The following PDCD6IP variants were observed in gnomAD, a reference collection of about 807,000 sequenced individuals.
PDCD6IP encodes the protein programmed cell death 6 interacting protein, also known as programmed cell death 6-interacting protein.
A neutral mutation model predicts 103.7 loss-of-function variants in PDCD6IP; 43 were observed. That is an observed-to-expected ratio of 0.41 (90% CI 0.32 to 0.53). The LOEUF is 0.53. Among genes scored for constraint, PDCD6IP ranks in the 20% least tolerant of loss-of-function variants. The pLI is 0.16. For synonymous variants in PDCD6IP, 354 were observed against 378.7 expected (o/e 0.93, Z 0.76); for missense variants, 871 against 1,036.7 (o/e 0.84, Z 2.20).
At chr3:33,803,562 C>G (rs1323705322) in intron 1 of PDCD6IP, among the ~76,000 whole-genome samples, 1 of 152,022 alleles carries the variant, frequency 6.6e-6, no homozygotes, top group Non-Finnish European at 1.5e-5. Context: ...CAAAAATCTT[C>G]CAATCTGTTT....
chr3:33,834,511 T>C (rs538333964), intron 7 of PDCD6IP, among the ~76,000 whole-genome samples: 88 of 152,308 alleles, frequency 5.8e-4, no homozygotes, highest in Non-Finnish European at 1.2e-3. Context: ...TTTGTTTTGT[T>C]TTGGTTATCT....
chr3:33,856,272 G>C (rs575756877), intron 15 of PDCD6IP, among the ~76,000 whole-genome samples: 317 of 152,280 alleles, frequency 2.1e-3, no homozygotes, highest in Non-Finnish European at 3.2e-3. Flanking sequence ...ACTTTGAGCA[G>C]AAATTCCAGA....
chr3:33,806,746 T>G (rs539874137), intron 1 of PDCD6IP, among the ~76,000 whole-genome samples: 1 of 152,220 alleles, frequency 6.6e-6, no homozygotes, highest in Non-Finnish European at 1.5e-5. Flanking sequence ...GGATTCCCTA[T>G]CTAGAGAACT....
rs1697824672 is a variant in PDCD6IP, at chr3:33,856,178, T to C, written c.2120+918T>C. 2.0e-5 allele frequency among the ~76,000 whole-genome samples: 3 copies of C among 152,312 alleles called. No individual in the cohort carries two copies. The South Asian group carries it at 6.2e-4, about 32-fold the overall frequency. ...GTGGAACAGTTTCATCCTGAAATCA[T>C]CTTCCGCTCCCCTGTGGAAAAATTG... On this transcript the variant is annotated intron_variant, in intron 15 of 17. Coordinates refer to ENST00000307296, the MANE Select transcript of PDCD6IP (RefSeq NM_013374.6).
At chr3:33,851,108 G>A (rs576321713) in intron 12 of PDCD6IP, among the ~76,000 whole-genome samples, 6 of 152,260 alleles carry the variant, frequency 3.9e-5, no homozygotes, top group Admixed American at 3.9e-4. Context: ...AACTAAGACT[G>A]TGGAAGAAAG....
chr3:33,835,450 C>T (rs568505215), intron 7 of PDCD6IP: 7 of 381,810 alleles, frequency 1.8e-5, no homozygotes, highest in South Asian at 2.0e-5. Flanking sequence ...GGCACAGTGG[C>T]GCAAGCCTGT....
chr3:33,859,217 G>T (rs1697895971), intron 15 of PDCD6IP, among the ~76,000 whole-genome samples: 1 of 152,136 alleles, frequency 6.6e-6, no homozygotes, highest in African/African-American at 2.4e-5. Context: ...CTTTATACCA[G>T]AGTAAGTTCT....
chr3:33,862,701 G>T (rs1234283560), intron 15 of PDCD6IP, among the ~76,000 whole-genome samples: 5 of 152,080 alleles, frequency 3.3e-5, no homozygotes, highest in Non-Finnish European at 7.4e-5. Context: ...TTGCATAATG[G>T]TTTGCATAAA....
At chr3:33,832,245 A>G (rs976191712) in intron 7 of PDCD6IP, among the ~76,000 whole-genome samples, 1 of 152,118 alleles carries the variant, frequency 6.6e-6, no homozygotes, top group Admixed American at 6.6e-5. Flanking sequence ...AGCAGGAGGA[A>G]GCCCTCTGGT....
chr3:33,851,467 G>A (rs1275747680), intron 12 of PDCD6IP, among the ~76,000 whole-genome samples: 3 of 152,020 alleles, frequency 2.0e-5, no homozygotes, highest in African/African-American at 7.2e-5. Context: ...ATAAATCTCT[G>A]TTTTGTTTTT....
At chr3:33,853,330 C>T (rs1404071315) in intron 13 of PDCD6IP, among the ~76,000 whole-genome samples, 1 of 151,700 alleles carries the variant, frequency 6.6e-6, no homozygotes, top group Admixed American at 6.6e-5. Context: ...GTTTTTTTTC[C>T]ATATGGGAGG....
chr3:33,831,965 G>A (rs1218764990), intron 7 of PDCD6IP, among the ~76,000 whole-genome samples: 9 of 152,134 alleles, frequency 5.9e-5, no homozygotes, highest in African/African-American at 2.2e-4. Context: ...GTTTATTGCT[G>A]TCTCCTGTTG....
At chr3:33,841,387 T>C (rs928697055) in intron 9 of PDCD6IP, among the ~76,000 whole-genome samples, 3 of 151,318 alleles carry the variant, frequency 2.0e-5, no homozygotes, top group African/African-American at 7.3e-5. Flanking sequence ...TGGTTTAATT[T>C]TATCAATCAC....
At chr3:33,824,321 G>C (rs941485932) in intron 4 of PDCD6IP, among the ~76,000 whole-genome samples, 3 of 149,586 alleles carry the variant, frequency 2.0e-5, no homozygotes, top group African/African-American at 7.4e-5. Flanking sequence ...ACAATGGCGT[G>C]ATCTTGGCTC....
At chr3:33,851,497 G>T (rs1009448797) in intron 12 of PDCD6IP, among the ~76,000 whole-genome samples, 2 of 151,910 alleles carry the variant, frequency 1.3e-5, no homozygotes, top group African/African-American at 2.4e-5. Flanking sequence ...TTTGAGACAG[G>T]GTTTCTCTCT....
In PDCD6IP at chr3:33,809,337, A is replaced by G. The variant is rs536883507; in HGVS notation, c.210-2735A>G. On this transcript the variant is annotated intron_variant, in intron 1 of 17. Transcript: ENST00000307296. ...AATGAGGAAAACTTTCTTTGATAAC[A>G]ATGTCAGCCTAGACAATAGTGAGAA... Among the ~76,000 whole-genome samples, 66 of 152,332 alleles carry G rather than the reference A, an allele frequency of 4.3e-4. 1 individual carries two copies. In the Middle Eastern group the frequency reaches 0.01, roughly 24 times the overall value.
Position 33,836,242 on chromosome 3 carries a change from G to C in PDCD6IP, c.1033G>C (p.Val345Leu), listed in dbSNP as rs1242654098. The C allele has an allele frequency of 6.2e-7, 1 of 1,604,920 alleles. No homozygotes were observed. The highest frequency in any genetic ancestry group is 1.1e-5 in the South Asian group (1 of 90,816). ...ACTTGTGAAATCTACCCCGGTCAAT[G>C]TACCCATCAGTCAGAAATTTACTGG... ...ATLVKSTPVNVPISQKFTDLF... is the reference protein window; with the variant it reads ...ATLVKSTPVNLPISQKFTDLF... The change falls in exon 8 of 18, where the codon GTA becomes CTA. Residue 345 changes from valine (V) to leucine (L), a missense_variant. By Grantham distance (32) the Val-to-Leu change is conservative. Coordinates refer to ENST00000307296, the MANE Select transcript of PDCD6IP (RefSeq NM_013374.6).
chr3:33,800,863 A>G (rs1696461487), intron 1 of PDCD6IP, among the ~76,000 whole-genome samples: 1 of 152,196 alleles, frequency 6.6e-6, no homozygotes, highest in African/African-American at 2.4e-5. Context: ...TTAAGCTAAC[A>G]GACATGGGAG....
At position 33,868,664 on chromosome 3, in the gene PDCD6IP, G is replaced by C. The variant is rs1698119886; in HGVS notation, c.*2139G>C. On this transcript the variant is annotated 3_prime_UTR_variant, in exon 18 of 18. Coordinates refer to ENST00000307296, the MANE Select transcript of PDCD6IP (RefSeq NM_013374.6). ...TATTACTGTTAAGGATCATACTGTT[G>C]GTTTGGAGTTGGAAGGGTACTACTC... The C allele has an allele frequency of 6.6e-6, 1 of 152,060 alleles. No individual in the cohort carries two copies. Among genetic ancestry groups the C allele is most frequent in the Non-Finnish European group, 1.5e-5 (1 of 68,028 alleles). The allele number at this position is 152,060 out of a possible 1,614,324, so 9.4% of individuals were successfully genotyped here.
Sources: allele counts gnomAD v4.1 joint callset (sites outside exome capture counted in the v4.1 genomes callset), GRCh38; gene constraint gnomAD v4.1.1; transcripts MANE v1.5; gene names NCBI Gene and HGNC (gene_info 2026-07-23, HGNC 2026-07-21).